Variants in CGNL1 observed in about 807,000 individuals in gnomAD.
CGNL1 encodes the protein cingulin like 1, also known as cingulin-like protein 1.
CGNL1 carries 132 observed loss-of-function variants against 141.2 expected under a neutral mutation model. The observed-to-expected ratio is 0.93, with a 90% CI of 0.81 to 1.08. The LOEUF (loss-of-function observed/expected upper bound fraction) is 1.08, where lower values mean the gene tolerates loss of function less well. CGNL1 is among the 50% of genes least tolerant of loss of function. The pLI, the probability that CGNL1 is intolerant of heterozygous loss-of-function variation, is 0.00. For missense variants in CGNL1, 1,870 were observed against 1,588.6 expected, an observed-to-expected ratio of 1.18 and a Z score of -3.01; for synonymous variants, 690 against 622.1, an observed-to-expected ratio of 1.11 and a Z score of -1.63.
chr15:57,461,864 T>C lies in CGNL1; in HGVS notation c.2375T>C (p.Leu792Pro), dbSNP rs1482090076. The C allele has an allele frequency of 6.2e-7, 1 of 1,613,844 alleles. No individual in the cohort carries two copies. The highest frequency in any genetic ancestry group is 2.2e-5 in the East Asian group (1 of 44,858). ...KEQYDAELQA[L>P]RESVEEATKN... ...CAATATGATGCTGAGTTGCAGGCCC[T>C]GAGGGAGAGTGTGGAAGAAGCAACC... The change falls in exon 8 of 19, where the codon CTG becomes CCG. Residue 792 changes from leucine (L) to proline (P), a missense_variant. Coordinates refer to ENST00000281282, the MANE Select transcript of CGNL1 (RefSeq NM_032866.5).
intron 1 of CGNL1, among the ~76,000 whole-genome samples, chr15:57,432,110 C>G (rs148659364): frequency 1.7e-3 from 260 of 152,340 alleles, no homozygotes; most frequent in African/African-American, 6.1e-3. Context: ...ATGCTAGGTA[C>G]TATGCCGATT....
chr15:57,452,185 C>T lies in CGNL1; in HGVS notation c.1950C>T (p.Asn650=). 17 of 1,613,868 alleles carry T rather than the reference C, an allele frequency of 1.1e-5. No homozygotes were observed. Among genetic ancestry groups the T allele is most frequent in the Non-Finnish European group, 1.4e-5 (16 of 1,179,906 alleles). The change falls in exon 6 of 19, where the codon AAC becomes AAT. Residue 650 remains asparagine, a synonymous_variant. Coordinates refer to ENST00000281282, the MANE Select transcript of CGNL1 (RefSeq NM_032866.5). ...IKEERERMRA[N]LEELRSQHNE... is the part of the protein sequence containing the mutation. The stretch of plus-strand genomic sequence containing the variant: ...AAGAGAGAGAGAGGATGAGAGCAAA[C>T]CTAGAAGAGCTCCGAAGCCAACACA...
rs1160769748 is a variant in CGNL1 at position 57,465,334 on chromosome 15, C to G, written c.2403+3442C>G. On this transcript the variant is annotated intron_variant, in intron 8 of 18. Coordinates refer to ENST00000281282, the MANE Select transcript of CGNL1 (RefSeq NM_032866.5). Reference sequence around the variant, plus strand: ...ATGTGCTCTTACACTTAGATTTTTCCTGCCCCAGGGGGAGAACCCACCCAC... The same window carrying G: ...ATGTGCTCTTACACTTAGATTTTTCGTGCCCCAGGGGGAGAACCCACCCAC... 6.6e-5 allele frequency among the ~76,000 whole-genome samples: 10 copies of G among 151,102 alleles called. No homozygotes were observed. The East Asian group carries it at 1.9e-3, about 29-fold the overall frequency.
chr15:57,500,933 G>C (rs757309761), intron 8 of CGNL1, among the ~76,000 whole-genome samples: 42 of 152,216 alleles, frequency 2.8e-4, no homozygotes, highest in Non-Finnish European at 5.6e-4. Flanking sequence ...TCTCAGGCCA[G>C]CTAACAATAG....
chr15:57,518,390 T>C lies in CGNL1; in HGVS notation c.2611-3T>C, dbSNP rs555077423. ...TGCACACTGACCCAGTGTTTCATTG[T>C]AGGGAGAAATACGACAGTTAGAGGA... On this transcript the variant is annotated splice_region_variant and splice_polypyrimidine_tract_variant and intron_variant, in intron 9 of 18. Coordinates refer to ENST00000281282, the MANE Select transcript of CGNL1 (RefSeq NM_032866.5). 15 of 1,609,394 alleles carry C rather than the reference T, an allele frequency of 9.3e-6. No homozygotes were observed. Among genetic ancestry groups the C allele is most frequent in the Admixed American group, 1.7e-5 (1 of 59,790 alleles).
intron 7 of CGNL1, among the ~76,000 whole-genome samples, chr15:57,460,879 T>C (rs1595727770): frequency 6.6e-6 from 1 of 152,174 alleles, no homozygotes; most frequent in South Asian, 2.1e-4. Flanking sequence ...GTGCGTTCTC[T>C]GTGGAGGGAC....
chr15:57,504,703 C>T (rs2064076476), intron 8 of CGNL1, among the ~76,000 whole-genome samples: 1 of 152,134 alleles, frequency 6.6e-6, no homozygotes, highest in Admixed American at 6.5e-5. Flanking sequence ...TATGGTAGAT[C>T]ATTAATGGGC....
intron 8 of CGNL1, among the ~76,000 whole-genome samples, chr15:57,513,811 T>C (rs1215331916): frequency 2.0e-5 from 3 of 152,190 alleles, no homozygotes; most frequent in African/African-American, 4.8e-5. Context: ...CTTGAGTCAC[T>C]GTGCCCGGTC....
At chr15:57,488,333 C>T (rs899318059) in intron 8 of CGNL1, among the ~76,000 whole-genome samples, 1 of 152,122 alleles carries the variant, frequency 6.6e-6, no homozygotes, top group African/African-American at 2.4e-5. Context: ...AAAATTTTCT[C>T]CCCTTCTTCA....
chr15:57,494,557 A>G (rs1383835682), intron 8 of CGNL1, among the ~76,000 whole-genome samples: 3 of 152,258 alleles, frequency 2.0e-5, no homozygotes, highest in Admixed American at 1.3e-4. Context: ...AAAATGTAAA[A>G]GCAGGAGGAG....
intron 8 of CGNL1, chr15:57,478,271 G>A (rs753858539): frequency 2.0e-5 from 3 of 152,228 alleles, no homozygotes; most frequent in Non-Finnish European, 4.4e-5. Flanking sequence ...AAGATGCTCT[G>A]TAGGAGAGGC....
chr15:57,495,949 G>C (rs1165024252), intron 8 of CGNL1, among the ~76,000 whole-genome samples: 2 of 152,092 alleles, frequency 1.3e-5, no homozygotes, highest in African/African-American at 4.8e-5. Context: ...TTTCCAGAAG[G>C]CCAAGAATGT....
chr15:57,416,854 A>G (rs1310760251), intron 1 of CGNL1, among the ~76,000 whole-genome samples: 1 of 152,220 alleles, frequency 6.6e-6, no homozygotes, highest in Non-Finnish European at 1.5e-5. Context: ...ATTCAGTGTC[A>G]TGAATGGTGG....
At chr15:57,480,729 A>G (rs769150666) in intron 8 of CGNL1, among the ~76,000 whole-genome samples, 33 of 152,188 alleles carry the variant, frequency 2.2e-4, no homozygotes, top group Non-Finnish European at 4.3e-4. Flanking sequence ...ACTAATATTC[A>G]TTAAAAAAAA....
At position 57,516,596 on chromosome 15, in the gene CGNL1, C is replaced by T. The variant is rs548644382; in HGVS notation, c.2404-184C>T. On this transcript the variant is annotated intron_variant, in intron 8 of 18. Coordinates refer to ENST00000281282, the MANE Select transcript of CGNL1 (RefSeq NM_032866.5). ...GCGTGGCTATGTTCCAATAACACTGCGCTTTTCAAAACAGGTGAGGGGCTG... is the reference window on the plus strand; with the variant it reads ...GCGTGGCTATGTTCCAATAACACTGTGCTTTTCAAAACAGGTGAGGGGCTG... Among the ~76,000 whole-genome samples the T allele has an allele frequency of 7.8e-4, 119 of 152,308 alleles. 1 individual carries two copies. Among genetic ancestry groups the T allele is most frequent in the African/African-American group, 2.5e-3 (106 of 41,570 alleles).
chr15:57,439,627 GT>G lies in CGNL1; in HGVS notation c.1602+34del, dbSNP rs71441465. The G allele has an allele frequency of 7.5e-6, 12 of 1,596,838 alleles. No individual in the cohort carries two copies. In the East Asian group the frequency reaches 9.0e-5, roughly 12 times the overall value. On this transcript the variant is annotated intron_variant, in intron 2 of 18. Coordinates refer to ENST00000281282, the MANE Select transcript of CGNL1 (RefSeq NM_032866.5). ...GTAACACTAGTGCGATTCCTGTTTG[GT>G]TTTTTTTCTCTTCCTTCTAAATAAT...
chr15:57,516,739 G>A (rs776966165), intron 8 of CGNL1, 41 bp from the exon 9 acceptor site: 2 of 1,592,432 alleles, frequency 1.3e-6, no homozygotes, highest in South Asian at 1.1e-5. Context: ...ACAGCTCCTT[G>A]ACATCAGTCT....
chr15:57,428,472 A>T (rs1458197914), intron 1 of CGNL1, among the ~76,000 whole-genome samples: 2 of 152,130 alleles, frequency 1.3e-5, no homozygotes, highest in Non-Finnish European at 2.9e-5. Context: ...GGCCTCGTGG[A>T]GGGATGATGT....
At chr15:57,380,801 C>T (rs1156801357) in intron 1 of CGNL1, among the ~76,000 whole-genome samples, 5 of 152,148 alleles carry the variant, frequency 3.3e-5, no homozygotes, top group African/African-American at 4.8e-5. Context: ...GTGGCTGGAT[C>T]CATTTTTGGC....
Sources: gnomAD v4.1 joint callset for allele counts (sites outside exome capture counted in the v4.1 genomes callset) on GRCh38, gnomAD v4.1.1 for gene constraint, MANE v1.5 for transcripts, NCBI Gene and HGNC (gene_info 2026-07-23, HGNC 2026-07-21) for gene names.